Variants in DTD1 observed in about 807,000 individuals in gnomAD.
DTD1 encodes the protein D-tyrosyl-tRNA deacylase 1 homolog.
DTD1 carries 13 observed loss-of-function variants against 25.6 expected under a neutral mutation model. The observed-to-expected ratio is 0.51, with a 90% CI of 0.33 to 0.81. The LOEUF (loss-of-function observed/expected upper bound fraction) is 0.81. Ranked by LOEUF, DTD1 falls within the 30% of genes least tolerant of loss-of-function variation. The probability of loss-of-function intolerance (pLI) is 0.02; values close to 1 mark genes in which losing one functional copy is unlikely to be tolerated. For missense variants in DTD1, 193 were observed against 266.4 expected, an observed-to-expected ratio of 0.72 and a Z score of 1.92; for synonymous variants, 110 against 103.6, an observed-to-expected ratio of 1.06 and a Z score of -0.37.
At chr20:18,630,317 T>C (rs1248261815) in intron 4 of DTD1, 1 of 152,108 alleles carries the variant, frequency 6.6e-6, no homozygotes, top group Non-Finnish European at 1.5e-5. Context: ...TACTATTATA[T>C]TAACTATATT....
At chr20:18,681,590 T>G (rs1183347507) in intron 4 of DTD1, among the ~76,000 whole-genome samples, 1 of 152,166 alleles carries the variant, frequency 6.6e-6, no homozygotes, top group East Asian at 1.9e-4. Context: ...TCAGAAAGCA[T>G]GTAAGCAGGA....
chr20:18,713,864 C>T (rs142400448), intron 4 of DTD1, among the ~76,000 whole-genome samples: 87 of 152,270 alleles, frequency 5.7e-4, no homozygotes, highest in African/African-American at 2.0e-3. Flanking sequence ...TGTGACATAG[C>T]GTGGTTGTGG....
At chr20:18,648,901 C>T (rs186032975) in intron 4 of DTD1, among the ~76,000 whole-genome samples, 185 of 132,370 alleles carry the variant, frequency 1.4e-3, no homozygotes, top group Middle Eastern at 4.6e-3. Context: ...GAGGCTGAGG[C>T]GGGAGAATGA....
intron 3 of DTD1, among the ~76,000 whole-genome samples, chr20:18,597,221 A>G (rs1213562899): frequency 6.7e-6 from 1 of 149,152 alleles, no homozygotes; most frequent in Non-Finnish European, 1.5e-5. Flanking sequence ...GGAGCTATAG[A>G]TGGTGTTTTT....
chr20:18,757,401 T>C (rs2061343527), intron 5 of DTD1, among the ~76,000 whole-genome samples: 1 of 152,204 alleles, frequency 6.6e-6, no homozygotes, highest in African/African-American at 2.4e-5. Context: ...TGATATTAGC[T>C]GTGGGTTTGT....
chr20:18,707,788 C>T (rs1372974001), intron 4 of DTD1, among the ~76,000 whole-genome samples: 1 of 152,144 alleles, frequency 6.6e-6, no homozygotes, highest in African/African-American at 2.4e-5. Flanking sequence ...CACTCTCTCA[C>T]ACACATGTCC....
Position 18,735,720 on chromosome 20 carries a change from C to T in DTD1, c.478-8380C>T, listed in dbSNP as rs145304611. Among the ~76,000 whole-genome samples the T allele has an allele frequency of 3.4e-4, 52 of 152,198 alleles. No individual in the cohort carries two copies. In the East Asian group the frequency reaches 9.9e-3, roughly 29 times the overall value. On this transcript the variant is annotated intron_variant, in intron 4 of 5. Transcript: ENST00000377452. ...TGTAGACTCAAGACAAAGAATAAGT[C>T]TTGAGTTGAGTTGAGTTTTGTGGGA...
At chr20:18,607,134 T>C (rs1330267180) in intron 3 of DTD1, among the ~76,000 whole-genome samples, 1 of 152,132 alleles carries the variant, frequency 6.6e-6, no homozygotes, top group Non-Finnish European at 1.5e-5. Context: ...TTTTTATACA[T>C]TGTTGGATTC....
intron 4 of DTD1, among the ~76,000 whole-genome samples, chr20:18,697,842 G>A (rs11698701): frequency 1.3e-5 from 2 of 152,146 alleles, no homozygotes; most frequent in African/African-American, 2.4e-5. Flanking sequence ...CTGTCACCGC[G>A]CCTGGCTAAT....
chr20:18,616,987 A>G (rs1483998532), intron 3 of DTD1, among the ~76,000 whole-genome samples: 2 of 151,766 alleles, frequency 1.3e-5, no homozygotes, highest in Admixed American at 6.6e-5. Flanking sequence ...TATTCTTTCC[A>G]TTCTCTCTGG....
Position 18,634,735 on chromosome 20 carries a change from G to A in DTD1, c.477+6502G>A, listed in dbSNP as rs182442705. Among the ~76,000 whole-genome samples the A allele has an allele frequency of 3.3e-5, 5 of 152,256 alleles. No individual in the cohort carries two copies. The East Asian group carries it at 9.7e-4, about 29-fold the overall frequency. Reference sequence around the variant, plus strand: ...AATATGTAGGGTAAGGGGGTGTGGGGGAAAAGAATTACATTTGGTTTTATT... The same window carrying A: ...AATATGTAGGGTAAGGGGGTGTGGGAGAAAAGAATTACATTTGGTTTTATT... On this transcript the variant is annotated intron_variant, in intron 4 of 5. Transcript: ENST00000377452.
intron 4 of DTD1, among the ~76,000 whole-genome samples, chr20:18,696,605 A>G (rs2061078143): frequency 6.6e-6 from 1 of 152,074 alleles, no homozygotes; most frequent in Admixed American, 6.5e-5. Flanking sequence ...CCCAGGCTGG[A>G]ATGCAATGGC....
intron 3 of DTD1, among the ~76,000 whole-genome samples, chr20:18,603,776 T>A: frequency 8.6e-6 from 1 of 116,478 alleles, no homozygotes; most frequent in South Asian, 2.8e-4. Context: ...TTCAAAGCAG[T>A]GTGTAGAGGG....
intron 5 of DTD1, among the ~76,000 whole-genome samples, chr20:18,746,947 G>T (rs112150781): frequency 3.8e-4 from 58 of 152,278 alleles, no homozygotes; most frequent in African/African-American, 1.4e-3. Flanking sequence ...CTTGGCTTAT[G>T]TATCTCACGT....
At chr20:18,663,012 TGTGTCTCTGGTTATGCCCA>T (rs2060917409) in intron 4 of DTD1, among the ~76,000 whole-genome samples, 1 of 152,196 alleles carries the variant, frequency 6.6e-6, no homozygotes, top group Non-Finnish European at 1.5e-5. Context: ...GCAGGAACCA[TGTGTCTCTGGTTATGCCCA>T]GTGGTCTTAT....
Position 18,733,431 on chromosome 20 carries a change from C to T in DTD1, c.478-10669C>T, listed in dbSNP as rs554868401. 3.3e-5 allele frequency among the ~76,000 whole-genome samples: 5 copies of T among 152,246 alleles called. No homozygotes were observed. The South Asian group carries it at 1.0e-3, about 32-fold the overall frequency. On this transcript the variant is annotated intron_variant, in intron 4 of 5. Transcript: ENST00000377452. ...GGCTGGGGGACACAGTGGGCTCTGG[C>T]AGTGTCTGTGGTGGGGAGCTGACAA...
At position 18,749,989 on chromosome 20, in the gene DTD1, C is replaced by CA. The variant is rs757033594; in HGVS notation, c.*19+5719dup. Among the ~76,000 whole-genome samples, 10 of 152,150 alleles carry CA rather than the reference C, an allele frequency of 6.6e-5. No homozygotes were observed. Among genetic ancestry groups the CA allele is most frequent in the Non-Finnish European group, 1.0e-4 (7 of 68,034 alleles). On this transcript the variant is annotated intron_variant, in intron 5 of 5. Coordinates refer to ENST00000377452, the MANE Select transcript of DTD1 (RefSeq NM_080820.6). The surrounding 1 kb of genome is among the most constrained non-coding windows in gnomAD (Gnocchi z 4.2). ...TTATTGATGGTTTACCATAGGCATCCAGTTGTTCTTCTTTACGTCAGGGTC... is the reference window on the plus strand; with the variant it reads ...TTATTGATGGTTTACCATAGGCATCCAAGTTGTTCTTCTTTACGTCAGGGTC...
intron 4 of DTD1, among the ~76,000 whole-genome samples, chr20:18,689,945 T>C (rs1477393456): frequency 6.6e-6 from 1 of 151,320 alleles, no homozygotes; most frequent in Non-Finnish European, 1.5e-5. Context: ...AAGACCAGCC[T>C]GGGGCAACTT....
chr20:18,634,365 C>T (rs1422073046), intron 4 of DTD1, among the ~76,000 whole-genome samples: 1 of 152,152 alleles, frequency 6.6e-6, no homozygotes, highest in Non-Finnish European at 1.5e-5. Context: ...CTAGGGCCCA[C>T]TTAGTTCATA....
Sources: allele counts gnomAD v4.1 joint callset (sites outside exome capture counted in the v4.1 genomes callset), GRCh38; gene constraint gnomAD v4.1.1; non-coding constraint Gnocchi (gnomAD v3.1); transcripts MANE v1.5; gene names NCBI Gene and HGNC (gene_info 2026-07-23, HGNC 2026-07-21).